RPTOR: variants seen among roughly 807,000 people sequenced by gnomAD.
RPTOR encodes the protein regulatory-associated protein of mTOR.
Under a neutral mutation model 169.9 loss-of-function variants are expected in RPTOR, and 21 were observed. The observed-to-expected ratio is 0.12, with a 90% CI of 0.09 to 0.18. RPTOR has a LOEUF of 0.18. Among genes scored for constraint, RPTOR ranks in the 10% least tolerant of loss-of-function variants. The probability of loss-of-function intolerance (pLI) is 1.00; values close to 1 mark genes in which losing one functional copy is unlikely to be tolerated. For synonymous variants in RPTOR, 732 were observed against 753.2 expected (o/e 0.97, Z 0.46); for missense variants, 1,133 against 1,855.9 (o/e 0.61, Z 7.16).
rs1197342364 is a variant in RPTOR, at chr17:80,617,987, C to CTTTTTTTTTTTTTTTTTTTTTTTTTTT, written c.163-7693_163-7692insTTTTTTTTTTTTTTTTTTTTTTTTTTT. On this transcript the variant is annotated intron_variant, in intron 1 of 33. Transcript: ENST00000306801. The stretch of plus-strand genomic sequence containing the variant: ...TTTAGTTTGCTTAAAATAGTTACAA[C>CTTTTTTTTTTTTTTTTTTTTTTTTTTT]TTTTTTTTTTTAAGACGGGGTCTTG... 2.0e-4 allele frequency among the ~76,000 whole-genome samples: 30 copies of CTTTTTTTTTTTTTTTTTTTTTTTTTTT among 146,424 alleles called. 1 individual carries two copies. The highest frequency in any genetic ancestry group is 6.4e-4 in the African/African-American group (25 of 39,126).
chr17:80,647,620 G>A (rs2065606433), intron 3 of RPTOR, among the ~76,000 whole-genome samples: 1 of 152,162 alleles, frequency 6.6e-6, no homozygotes, highest in African/African-American at 2.4e-5. Flanking sequence ...TTAAAAATAA[G>A]TTTCTATGGG....
chr17:80,826,341 A>C (rs1426515453), intron 9 of RPTOR, among the ~76,000 whole-genome samples: 1 of 152,210 alleles, frequency 6.6e-6, no homozygotes, highest in East Asian at 1.9e-4. Context: ...ATTTGCAAGA[A>C]ACATGTTTCC....
At chr17:80,897,475 C>A (rs1380320274) in intron 20 of RPTOR, among the ~76,000 whole-genome samples, 1 of 152,158 alleles carries the variant, frequency 6.6e-6, no homozygotes, top group African/African-American at 2.4e-5. Context: ...GAATTAATTT[C>A]TTTGAATGTA....
intron 5 of RPTOR, among the ~76,000 whole-genome samples, chr17:80,733,012 G>C (rs1350451885): frequency 1.3e-5 from 2 of 152,146 alleles, no homozygotes; most frequent in Non-Finnish European, 2.9e-5. Context: ...TGGTTATTTG[G>C]ACCAGAAAGC....
chr17:80,656,386 C>G (rs886842809), intron 3 of RPTOR, among the ~76,000 whole-genome samples: 1 of 152,184 alleles, frequency 6.6e-6, no homozygotes, highest in East Asian at 1.9e-4. Flanking sequence ...CATTTTAAAT[C>G]AGGTCTGTAC....
At chr17:80,900,227 G>A (rs774385144) in intron 20 of RPTOR, among the ~76,000 whole-genome samples, 68 of 152,102 alleles carry the variant, frequency 4.5e-4, no homozygotes, top group South Asian at 6.3e-4. Flanking sequence ...TCCCCGCCTC[G>A]CAGCCACCTG....
chr17:80,753,409 C>T (rs547932852), intron 5 of RPTOR, among the ~76,000 whole-genome samples: 206 of 151,968 alleles, frequency 1.4e-3, no homozygotes, highest in African/African-American at 4.6e-3. Context: ...CCGAGACGGG[C>T]GGATCACGAG....
chr17:80,922,879 C>T lies in RPTOR; in HGVS notation c.2624+52C>T, dbSNP rs527477421. 12 of 1,455,266 alleles carry T rather than the reference C, an allele frequency of 8.2e-6. No homozygotes were observed. The East Asian group carries it at 1.2e-4, about 15-fold the overall frequency. 90.1% of individuals were successfully genotyped at this position (1,455,266 alleles called of 1,614,324 possible). A position where few individuals can be genotyped will look rare whatever the true frequency, so the allele number is the denominator to read the frequency against. The stretch of plus-strand genomic sequence containing the variant: ...GTCCGTGGTGGTGACCGGGGCCCCA[C>T]GGGCTGAGCTGTCCCTGAGCCGGCC... On this transcript the variant is annotated intron_variant, in intron 22 of 33. Transcript: ENST00000306801.
At position 80,957,467 on chromosome 17, in the gene RPTOR, CGGGAGCTCA is replaced by C. The variant is rs1322935344; in HGVS notation, c.3371-156_3371-148del. On this transcript the variant is annotated intron_variant, in intron 28 of 33. Transcript: ENST00000306801. This position sits in a 1 kb window ranked among gnomAD's most constrained non-coding sequence, Gnocchi z 4.6. Reference sequence around the variant, plus strand: ...ACGTGGGGCACACCAGGGTCCCTAGCGGGAGCTCATATGAGGCATATGGACCCACCAGAT... The same window carrying C: ...ACGTGGGGCACACCAGGGTCCCTAGCTATGAGGCATATGGACCCACCAGAT... Among the ~76,000 whole-genome samples, 5 of 152,344 alleles carry C rather than the reference CGGGAGCTCA, an allele frequency of 3.3e-5. No individual in the cohort carries two copies. The East Asian group carries it at 9.6e-4, about 29-fold the overall frequency.
chr17:80,709,016 C>T (rs1862039176), intron 4 of RPTOR: 11 of 985,562 alleles, frequency 1.1e-5, no homozygotes, highest in Non-Finnish European at 1.3e-5. Context: ...AGCTAGCATT[C>T]GGCACAGGTG....
chr17:80,570,164 A>G (rs573349861), intron 1 of RPTOR, among the ~76,000 whole-genome samples: 4 of 152,186 alleles, frequency 2.6e-5, no homozygotes, highest in African/African-American at 9.6e-5. Context: ...TCCATGCAGA[A>G]AGCTCCTGTG....
At position 80,965,880 on chromosome 17, in the gene RPTOR, C is replaced by A. The variant is rs1378482741; in HGVS notation, c.*1550C>A. 1 of 233,438 alleles carries A rather than the reference C, an allele frequency of 4.3e-6. No individual in the cohort carries two copies. The allele number at this position is 233,438 out of a possible 1,614,324, so 14.5% of individuals were successfully genotyped here. The stretch of plus-strand genomic sequence containing the variant: ...AAGAAGGTTCCGGCACGAATCCCAT[C>A]CCCACGTCTGGGCCGAGAAAGCAGC... On this transcript the variant is annotated 3_prime_UTR_variant, in exon 34 of 34. Transcript: ENST00000306801.
chr17:80,797,400 G>A (rs961460231), intron 7 of RPTOR, among the ~76,000 whole-genome samples: 3 of 152,144 alleles, frequency 2.0e-5, no homozygotes, highest in African/African-American at 4.8e-5. Flanking sequence ...TGCCTGCCTC[G>A]GTCTCCCAAA....
Position 80,698,431 on chromosome 17 carries a change from A to G in RPTOR, c.349-9410A>G, listed in dbSNP as rs576740028. Among the ~76,000 whole-genome samples the G allele has an allele frequency of 2.6e-5, 4 of 152,146 alleles. No homozygotes were observed. The South Asian group carries it at 8.3e-4, about 32-fold the overall frequency. ...GCTCCTCGTTTGCAGAGGTTTCTGC[A>G]CCGTTGTCACCAGCATGTGGTCATG... is the stretch of plus-strand genomic sequence containing the variant. On this transcript the variant is annotated intron_variant, in intron 3 of 33. Coordinates refer to ENST00000306801, the MANE Select transcript of RPTOR (RefSeq NM_020761.3).
At chr17:80,595,870 T>C (rs2065141149) in intron 1 of RPTOR, among the ~76,000 whole-genome samples, 1 of 152,138 alleles carries the variant, frequency 6.6e-6, no homozygotes, top group South Asian at 2.1e-4. Context: ...CTTATAGGAG[T>C]CTTGACCGTC....
chr17:80,713,685 C>A (rs1474975672), intron 4 of RPTOR, among the ~76,000 whole-genome samples: 1 of 152,136 alleles, frequency 6.6e-6, no homozygotes, highest in Non-Finnish European at 1.5e-5. Flanking sequence ...AGAAAATAGA[C>A]TGCAAGATGA....
intron 1 of RPTOR, chr17:80,602,787 C>G (rs1191667752): frequency 1.4e-6 from 1 of 707,438 alleles, no homozygotes; most frequent in Non-Finnish European, 2.6e-6. Context: ...CCGAATCTCT[C>G]TGAGTGCCCA....
At chr17:80,962,895 G>A in intron 32 of RPTOR, 33 bp from the exon 33 acceptor site, 1 of 1,612,428 alleles carries the variant, frequency 6.2e-7, no homozygotes, top group Non-Finnish European at 8.5e-7. Context: ...AAAGAAGAGG[G>A]CAGTGATGCC....
chr17:80,640,773 G>T (rs1324886257), intron 2 of RPTOR, among the ~76,000 whole-genome samples: 2 of 151,032 alleles, frequency 1.3e-5, no homozygotes, highest in African/African-American at 4.9e-5. Context: ...GAAATCCAAG[G>T]AGGGGGTACT....
Sources: gnomAD v4.1 joint callset for allele counts (sites outside exome capture counted in the v4.1 genomes callset) on GRCh38, gnomAD v4.1.1 for gene constraint, Gnocchi (gnomAD v3.1) non-coding constraint, MANE v1.5 for transcripts, NCBI Gene and HGNC (gene_info 2026-07-23, HGNC 2026-07-21) for gene names.